The following USH2A variants were observed in gnomAD, a reference collection of about 807,000 sequenced individuals.
The protein encoded by USH2A is Usher syndrome 2A (autosomal recessive, mild).
In USH2A, 443 loss-of-function variants were observed where a neutral mutation model predicts 538.9. That is an observed-to-expected ratio of 0.82 (90% CI 0.76 to 0.89). The LOEUF (loss-of-function observed/expected upper bound fraction) is 0.89. Ranked by LOEUF, USH2A falls within the 40% of genes least tolerant of loss-of-function variation. The pLI, the probability that USH2A is intolerant of heterozygous loss-of-function variation, is 0.00. For missense variants in USH2A, 6,633 were observed against 6,324.8 expected, an observed-to-expected ratio of 1.05 and a Z score of -1.65; for synonymous variants, 2,413 against 2,273.5, an observed-to-expected ratio of 1.06 and a Z score of -1.75.
intron 53 of USH2A, 48 bp from the exon 54 acceptor site, chr1:215,782,244 A>G: frequency 1.3e-6 from 2 of 1,593,278 alleles, no homozygotes; most frequent in Non-Finnish European, 1.7e-6. Flanking sequence ...TATCATTTTA[A>G]CTATTTGCAA....
intron 51 of USH2A, among the ~76,000 whole-genome samples, 158 bp downstream of exon 51, chr1:215,789,901 A>G (rs961362242): frequency 2.6e-5 from 4 of 152,176 alleles, no homozygotes; most frequent in Admixed American, 1.3e-4. Context: ...AATAACATCA[A>G]TCATAGCGAA....
intron 3 of USH2A, among the ~76,000 whole-genome samples, chr1:216,412,773 T>A (rs1314119039): frequency 6.6e-6 from 1 of 151,864 alleles, no homozygotes; most frequent in Non-Finnish European, 1.5e-5. Flanking sequence ...TGACCCATGT[T>A]CATGGCAAGT....
At chr1:216,042,724 T>A (rs1174604479) in intron 32 of USH2A, among the ~76,000 whole-genome samples, 1 of 152,082 alleles carries the variant, frequency 6.6e-6, no homozygotes, top group Non-Finnish European at 1.5e-5. Context: ...CCTTTCCTAT[T>A]TAGTCTTCTC....
chr1:216,157,904 T>A (rs1488666775), intron 21 of USH2A, among the ~76,000 whole-genome samples: 1 of 152,102 alleles, frequency 6.6e-6, no homozygotes, highest in East Asian at 1.9e-4. Flanking sequence ...TCATGCAATA[T>A]AGCCAAGTAA....
chr1:216,396,367 A>AT (rs1480480401), intron 3 of USH2A, among the ~76,000 whole-genome samples: 3 of 152,050 alleles, frequency 2.0e-5, no homozygotes, highest in African/African-American at 7.2e-5. Flanking sequence ...AGAAATATAT[A>AT]TTTTCCATGG....
intron 17 of USH2A, among the ~76,000 whole-genome samples, chr1:216,198,791 A>G (rs1444821140): frequency 6.6e-6 from 1 of 152,194 alleles, no homozygotes; most frequent in Non-Finnish European, 1.5e-5. Flanking sequence ...AAACTGCTAT[A>G]TAGATGAATG....
At position 215,868,064 on chromosome 1, in the gene USH2A, C is replaced by T. The variant is rs370833304; in HGVS notation, c.8682-894G>A. On this transcript the variant is annotated intron_variant, in intron 43 of 71. Transcript: ENST00000307340. Reference sequence around the variant, plus strand: ...GTGCAACACACGACCATCCCAGAGGCATCCAGGACACAGGGCAAACACTGG... The same window carrying T: ...GTGCAACACACGACCATCCCAGAGGTATCCAGGACACAGGGCAAACACTGG... Among the ~76,000 whole-genome samples the T allele has an allele frequency of 2.0e-5, 3 of 152,224 alleles. No individual in the cohort carries two copies. In the East Asian group the frequency reaches 5.8e-4, roughly 29 times the overall value.
At chr1:216,235,554 G>C (rs1311875285) in intron 13 of USH2A, among the ~76,000 whole-genome samples, 10 of 152,194 alleles carry the variant, frequency 6.6e-5, no homozygotes, top group Non-Finnish European at 1.5e-5. Flanking sequence ...TTGTAAAATA[G>C]TGTGGCTTTG....
intron 61 of USH2A, among the ~76,000 whole-genome samples, chr1:215,723,325 A>G (rs1051288583): frequency 1.3e-5 from 2 of 152,076 alleles, no homozygotes; most frequent in African/African-American, 4.8e-5. Flanking sequence ...TCCTGCCAAC[A>G]CATACGCTTC....
Position 216,000,442 on chromosome 1 carries a change from G to T in USH2A, c.6446C>A (p.Pro2149Gln), listed in dbSNP as rs869312182. 4.3e-6 allele frequency: 7 copies of T among 1,613,662 alleles called. No individual in the cohort carries two copies. The highest frequency in any genetic ancestry group is 5.9e-6 in the Non-Finnish European group (7 of 1,179,718). Residue 2149 changes from proline to glutamine, a missense_variant, in exon 33 of 72, where the codon CCA becomes CAA. Physicochemically the swap from Pro to Gln is moderately conservative, Grantham distance 76. Coordinates refer to ENST00000307340, the MANE Select transcript of USH2A (RefSeq NM_206933.4). Reference sequence around the variant, plus strand: ...TCTAGAATCCAGGACAGTCAGAACTGGGGAATCCACGTGTTCTGGTGGCAG... The same window carrying T: ...TCTAGAATCCAGGACAGTCAGAACTTGGGAATCCACGTGTTCTGGTGGCAG... ...AQLPPEHVDS[P>Q]VLTVLDSRTI...
chr1:215,712,313 T>C (rs1378649807), intron 61 of USH2A, among the ~76,000 whole-genome samples: 2 of 152,242 alleles, frequency 1.3e-5, no homozygotes, highest in Admixed American at 6.5e-5. Context: ...ATAAAGTTTA[T>C]AGGACAATCT....
chr1:216,341,698 T>C (rs1054611399), intron 4 of USH2A, among the ~76,000 whole-genome samples: 1 of 152,110 alleles, frequency 6.6e-6, no homozygotes, highest in African/African-American at 2.4e-5. Flanking sequence ...ACCACACTTC[T>C]ACAACCATCT....
chr1:216,300,834 C>T (rs901923291), intron 9 of USH2A, among the ~76,000 whole-genome samples: 7 of 151,026 alleles, frequency 4.6e-5, no homozygotes, highest in African/African-American at 1.5e-4. Flanking sequence ...CTGAAACCTC[C>T]ACCACCCACG....
In USH2A at chr1:215,935,691, C is replaced by T. The variant is rs139920209; in HGVS notation, c.7121-896G>A. 3.4e-3 allele frequency among the ~76,000 whole-genome samples: 513 copies of T among 151,978 alleles called. 5 individuals carry two copies. The highest frequency in any genetic ancestry group is 0.012 in the African/African-American group (498 of 41,498). Reference sequence around the variant, plus strand: ...TAGGGTTAAAATAAGAAAAGGGCTACAGATGAAAATTGTAACATTTTCTAT... The same window carrying T: ...TAGGGTTAAAATAAGAAAAGGGCTATAGATGAAAATTGTAACATTTTCTAT... On this transcript the variant is annotated intron_variant, in intron 37 of 71. Coordinates refer to ENST00000307340, the MANE Select transcript of USH2A (RefSeq NM_206933.4).
intron 21 of USH2A, among the ~76,000 whole-genome samples, chr1:216,169,803 T>A (rs2034243738): frequency 6.6e-6 from 1 of 152,196 alleles, no homozygotes; most frequent in Non-Finnish European, 1.5e-5. Flanking sequence ...GTATAATTAC[T>A]GCCTGTTCAT....
At chr1:216,037,808 T>A (rs1206216863) in intron 32 of USH2A, among the ~76,000 whole-genome samples, 1 of 48,420 alleles carries the variant, frequency 2.1e-5, no homozygotes, top group Non-Finnish European at 6.7e-5. Flanking sequence ...TACCCATTAG[T>A]TTTTTTTTTT....
intron 11 of USH2A, among the ~76,000 whole-genome samples, chr1:216,263,809 T>C (rs2036420210): frequency 6.6e-6 from 1 of 152,046 alleles, no homozygotes; most frequent in African/African-American, 2.4e-5. Context: ...GAATACAAAT[T>C]GGAGAGGAGG....
intron 30 of USH2A, among the ~76,000 whole-genome samples, chr1:216,064,236 C>G (rs2031277638): frequency 6.6e-6 from 1 of 151,856 alleles, no homozygotes; most frequent in Admixed American, 6.6e-5. Context: ...CTGCTTATTC[C>G]ACTTTAGGGT....
intron 61 of USH2A, among the ~76,000 whole-genome samples, chr1:215,714,683 T>C (rs1659432739): frequency 1.3e-5 from 2 of 152,320 alleles, no homozygotes; most frequent in Non-Finnish European, 2.9e-5. Flanking sequence ...TAGTTTTCCC[T>C]TCAAATTTTT....
Sources: allele counts gnomAD v4.1 joint callset (sites outside exome capture counted in the v4.1 genomes callset), GRCh38; gene constraint gnomAD v4.1.1; transcripts MANE v1.5; gene names NCBI Gene and HGNC (gene_info 2026-07-23, HGNC 2026-07-21).